Variants in SPAG16 observed in about 807,000 individuals in gnomAD.
The protein encoded by SPAG16 is sperm-associated antigen 16 protein.
Under a neutral mutation model 80.4 loss-of-function variants are expected in SPAG16, and 86 were observed. The observed-to-expected ratio is 1.07, with a 90% CI of 0.90 to 1.28. The LOEUF is 1.28. Among genes scored for constraint, SPAG16 ranks in the 50% most tolerant of loss-of-function variants. The pLI is 0.00. For synonymous variants in SPAG16, 294 were observed against 265.9 expected (o/e 1.11, Z -1.03); for missense variants, 870 against 765.3 (o/e 1.14, Z -1.61).
At chr2:214,095,225 TTG>T (rs1369679616) in intron 13 of SPAG16, among the ~76,000 whole-genome samples, 1 of 152,094 alleles carries the variant, frequency 6.6e-6, no homozygotes, top group African/African-American at 2.4e-5. Context: ...CTCTTGAGAA[TTG>T]TGTGTTTCTC....
At chr2:213,995,620 C>T (rs1224542973) in intron 12 of SPAG16, among the ~76,000 whole-genome samples, 1 of 152,150 alleles carries the variant, frequency 6.6e-6, no homozygotes, top group East Asian at 1.9e-4. Context: ...TAGGGCATCT[C>T]TTCCCTATGG....
At chr2:214,245,237 T>C (rs1689756424) in intron 15 of SPAG16, among the ~76,000 whole-genome samples, 3 of 152,164 alleles carry the variant, frequency 2.0e-5, no homozygotes, top group Non-Finnish European at 1.5e-5. Context: ...TTTATGTAGA[T>C]GCTTTTAATA....
chr2:214,183,217 T>C (rs1472593014), intron 15 of SPAG16, among the ~76,000 whole-genome samples: 1 of 152,058 alleles, frequency 6.6e-6, no homozygotes, highest in East Asian at 1.9e-4. Flanking sequence ...GAACTCAGAC[T>C]TAACCTGAAG....
intron 10 of SPAG16, among the ~76,000 whole-genome samples, chr2:213,727,378 T>C (rs1413192828): frequency 1.3e-5 from 2 of 152,138 alleles, no homozygotes; most frequent in Admixed American, 1.3e-4. Flanking sequence ...GAGAAAAATA[T>C]ATAAATCAAT....
intron 15 of SPAG16, among the ~76,000 whole-genome samples, chr2:214,213,973 T>G (rs1047931233): frequency 4.6e-5 from 7 of 152,128 alleles, no homozygotes; most frequent in African/African-American, 1.4e-4. Context: ...GGCCCCTTCA[T>G]TTAAGGTGAA....
chr2:214,012,483 A>T (rs2047361932), intron 12 of SPAG16, among the ~76,000 whole-genome samples: 1 of 150,762 alleles, frequency 6.6e-6, no homozygotes, highest in Non-Finnish European at 1.5e-5. Flanking sequence ...TTTAGTAGAG[A>T]TGGGGTTTCA....
intron 7 of SPAG16, among the ~76,000 whole-genome samples, chr2:213,354,658 C>T (rs932908193): frequency 7.9e-5 from 12 of 152,080 alleles, no homozygotes; most frequent in African/African-American, 1.2e-4. Context: ...CATTTTTTCA[C>T]GTTTCTGTTG....
chr2:214,306,278 T>C (rs1436755025), intron 15 of SPAG16, among the ~76,000 whole-genome samples: 1 of 152,146 alleles, frequency 6.6e-6, no homozygotes. Context: ...GCTTTGGGGC[T>C]GAGACTCTGG....
intron 12 of SPAG16, among the ~76,000 whole-genome samples, chr2:213,935,828 T>C (rs1035692288): frequency 5.3e-5 from 8 of 152,204 alleles, no homozygotes; most frequent in African/African-American, 1.9e-4. Flanking sequence ...AAATATGCAT[T>C]GAGCACTTAC....
At position 213,350,612 on chromosome 2, in the gene SPAG16, G is replaced by T. The variant is rs1350560532; in HGVS notation, c.729G>T (p.Leu243=). 1 of 1,602,358 alleles carries T rather than the reference G, an allele frequency of 6.2e-7. No homozygotes were observed. Among genetic ancestry groups the T allele is most frequent in the Non-Finnish European group, 8.5e-7 (1 of 1,176,038 alleles). The part of the protein sequence containing the change: ...KHHTLLKEKM[L]TSLERDKVVG... ...ACACTTTACTGAAGGAGAAAATGCT[G>T]ACCTCCTTGGAAAGAGACAAAGTAG... is the stretch of plus-strand genomic sequence containing the variant. Residue 243 remains leucine, a synonymous_variant, in exon 7 of 16, where the codon CTG becomes CTT. Coordinates refer to ENST00000331683, the MANE Select transcript of SPAG16 (RefSeq NM_024532.5).
At chr2:214,065,381 A>G (rs1454408746) in intron 13 of SPAG16, among the ~76,000 whole-genome samples, 2 of 152,170 alleles carry the variant, frequency 1.3e-5, no homozygotes, top group African/African-American at 2.4e-5. Context: ...TAGAACACCG[A>G]CTGGAACATA....
At chr2:214,169,423 G>C (rs931488287) in intron 15 of SPAG16, among the ~76,000 whole-genome samples, 1 of 151,924 alleles carries the variant, frequency 6.6e-6, no homozygotes, top group Non-Finnish European at 1.5e-5. Context: ...CCCCAAAGCC[G>C]GTCAGTACTT....
chr2:213,794,120 T>C (rs1196767401), intron 10 of SPAG16, among the ~76,000 whole-genome samples: 1 of 152,176 alleles, frequency 6.6e-6, no homozygotes, highest in African/African-American at 2.4e-5. Context: ...ATGTATTAAA[T>C]TAAAGTTCAA....
chr2:213,760,688 A>G (rs1308007794), intron 10 of SPAG16, among the ~76,000 whole-genome samples: 1 of 152,178 alleles, frequency 6.6e-6, no homozygotes, highest in African/African-American at 2.4e-5. Context: ...TAGTTATAGA[A>G]AGTATCTTCT....
At chr2:214,209,952 T>C (rs1000462490) in intron 15 of SPAG16, among the ~76,000 whole-genome samples, 3 of 152,142 alleles carry the variant, frequency 2.0e-5, no homozygotes. Flanking sequence ...CCTACTCTTA[T>C]ACACATTTTT....
At chr2:213,870,775 G>A (rs1273446561) in intron 11 of SPAG16, among the ~76,000 whole-genome samples, 1 of 152,096 alleles carries the variant, frequency 6.6e-6, no homozygotes, top group African/African-American at 2.4e-5. Context: ...TGTAAAACTA[G>A]TATTGCCTCT....
At chr2:213,629,971 C>T (rs549386396) in intron 10 of SPAG16, among the ~76,000 whole-genome samples, 26 of 152,302 alleles carry the variant, frequency 1.7e-4, no homozygotes, top group African/African-American at 4.1e-4. Context: ...CCAGCCTAGG[C>T]GTGTTAACTA....
intron 13 of SPAG16, among the ~76,000 whole-genome samples, chr2:214,074,952 A>C (rs1483607903): frequency 2.0e-5 from 3 of 152,152 alleles, no homozygotes; most frequent in African/African-American, 7.2e-5. Flanking sequence ...AATAGTCAAA[A>C]CCTACAACAA....
intron 5 of SPAG16, among the ~76,000 whole-genome samples, chr2:213,330,382 C>A (rs1045317785): frequency 6.6e-6 from 1 of 152,172 alleles, no homozygotes. Flanking sequence ...CTTGTATCAG[C>A]GTGACCTGGA....
Sources: gnomAD v4.1 joint callset for allele counts (sites outside exome capture counted in the v4.1 genomes callset) on GRCh38, gnomAD v4.1.1 for gene constraint, MANE v1.5 for transcripts, NCBI Gene and HGNC (gene_info 2026-07-23, HGNC 2026-07-21) for gene names.